LOC128706665: variants seen among roughly 807,000 people sequenced by gnomAD.
chr20:10,429,500 A>G, the LOC128706665 span, among the ~76,000 whole-genome samples: 5 of 152,050 alleles, frequency 3.3e-5, no homozygotes, highest in Non-Finnish European at 5.9e-5. Context: ...CTTTGAACTA[A>G]CCGTCCCCAC....
At chr20:10,424,435 A>G in the LOC128706665 span, among the ~76,000 whole-genome samples, 1 of 152,150 alleles carries the variant, frequency 6.6e-6, no homozygotes, top group Non-Finnish European at 1.5e-5. Flanking sequence ...ACATTGGCAT[A>G]TAACTTTAAA....
the LOC128706665 span, chr20:10,413,751 T>C: frequency 1.2e-5 from 7 of 594,314 alleles, no homozygotes; most frequent in Non-Finnish European, 2.1e-5. Flanking sequence ...TTCAATACTC[T>C]TTTGTTTGCT....
the LOC128706665 span, among the ~76,000 whole-genome samples, chr20:10,429,667 TC>T: frequency 1.3e-5 from 2 of 152,186 alleles, no homozygotes; most frequent in Non-Finnish European, 1.5e-5. Context: ...TTCCTCATGC[TC>T]CTCATCAACT....
At chr20:10,433,812 A>G in the LOC128706665 span, among the ~76,000 whole-genome samples, 1 of 152,142 alleles carries the variant, frequency 6.6e-6, no homozygotes, top group South Asian at 2.1e-4. Context: ...AGAAGGCGGC[A>G]GCGCAGGTGG....
chr20:10,430,057 A>C, the LOC128706665 span, among the ~76,000 whole-genome samples: 1 of 152,198 alleles, frequency 6.6e-6, no homozygotes, highest in African/African-American at 2.4e-5. Flanking sequence ...AAAAACAAAA[A>C]CAAATCTGGT....
chr20:10,418,370 T>C, the LOC128706665 span, among the ~76,000 whole-genome samples: 3 of 152,200 alleles, frequency 2.0e-5, no homozygotes, highest in Admixed American at 6.5e-5. Flanking sequence ...GGGCTCAATA[T>C]ACTATCCTCT....
At chr20:10,433,259 G>T in the LOC128706665 span, among the ~76,000 whole-genome samples, 2 of 152,210 alleles carry the variant, frequency 1.3e-5, no homozygotes, top group Non-Finnish European at 2.9e-5. Context: ...CCCGCCTCGG[G>T]CTCCTAAAGT....
chr20:10,415,868 G>A, the LOC128706665 span, among the ~76,000 whole-genome samples: 1 of 152,108 alleles, frequency 6.6e-6, no homozygotes, highest in Non-Finnish European at 1.5e-5. Flanking sequence ...TCATTAAAAT[G>A]ACAAAGAAAT....
the LOC128706665 span, among the ~76,000 whole-genome samples, chr20:10,427,029 G>GACAC: frequency 0.038 from 4,979 of 130,626 alleles, 150 homozygotes; most frequent in African/African-American, 0.056. Context: ...AGAAAACACT[G>GACAC]ACACACACAC....
chr20:10,432,773 G>C, the LOC128706665 span, among the ~76,000 whole-genome samples: 1 of 118,190 alleles, frequency 8.5e-6, no homozygotes, highest in African/African-American at 3.1e-5. Context: ...CTGCGCGACA[G>C]AGCGAGACTC....
chr20:10,427,080 A>ACACACACACACACACACACACACAC, the LOC128706665 span, among the ~76,000 whole-genome samples: 1 of 147,510 alleles, frequency 6.8e-6, no homozygotes, highest in Non-Finnish European at 1.5e-5. Context: ...ACACACACAC[A>ACACACACACACACACACACACACAC]AAGTAAGGTT....
the LOC128706665 span, among the ~76,000 whole-genome samples, chr20:10,415,331 T>C: frequency 6.6e-6 from 1 of 152,196 alleles, no homozygotes; most frequent in Non-Finnish European, 1.5e-5. Context: ...GGCTACAGCA[T>C]AGTATGGTGA....
the LOC128706665 span, among the ~76,000 whole-genome samples, chr20:10,415,167 C>T: frequency 5.9e-5 from 9 of 152,172 alleles, no homozygotes; most frequent in East Asian, 1.7e-3. Flanking sequence ...AGAATAAAAA[C>T]GTTAGATCAT....
chr20:10,431,126 T>C, the LOC128706665 span, among the ~76,000 whole-genome samples: 1 of 152,196 alleles, frequency 6.6e-6, no homozygotes, highest in Admixed American at 6.5e-5. Context: ...CAGCCATTAC[T>C]TTTATTGGGA....
chr20:10,427,081 A>ACACACACACACACACACACAC, the LOC128706665 span, among the ~76,000 whole-genome samples: 3 of 85,700 alleles, frequency 3.5e-5, 1 homozygote. Context: ...CACACACACA[A>ACACACACACACACACACACAC]AGTAAGGTTA....
the LOC128706665 span, among the ~76,000 whole-genome samples, chr20:10,427,047 C>G: frequency 1.4e-3 from 192 of 138,094 alleles, 1 homozygote; most frequent in African/African-American, 4.7e-3. Flanking sequence ...CACACACACA[C>G]ACACACACAC....
At chr20:10,434,170 A>T in the LOC128706665 span, 1,509 of 152,294 alleles carry the variant, frequency 9.9e-3, 12 homozygotes, top group Middle Eastern at 0.017. Flanking sequence ...AACAGATCTC[A>T]AGCAGCCGCT....
At chr20:10,427,646 G>C in the LOC128706665 span, among the ~76,000 whole-genome samples, 1 of 152,186 alleles carries the variant, frequency 6.6e-6, no homozygotes, top group African/African-American at 2.4e-5. Context: ...CAATAGAAAA[G>C]ACTGCACGTG....
At chr20:10,425,982 T>C in the LOC128706665 span, among the ~76,000 whole-genome samples, 1 of 152,246 alleles carries the variant, frequency 6.6e-6, no homozygotes, top group African/African-American at 2.4e-5. Context: ...TAGTTTCATT[T>C]ACTAAAATGT....
Sources: gnomAD v4.1 joint callset for allele counts (sites outside exome capture counted in the v4.1 genomes callset) on GRCh38, gnomAD v4.1.1 for gene constraint, MANE v1.5 for transcripts.